The following CELF4 variants were observed in gnomAD, a reference collection of about 807,000 sequenced individuals.
The protein encoded by CELF4 is CUG-BP- and ETR-3-like factor 4.
A neutral mutation model predicts 59.9 loss-of-function variants in CELF4; 18 were observed. The observed-to-expected ratio is 0.30, with a 90% CI of 0.21 to 0.45. CELF4 has a LOEUF of 0.45. CELF4 is among the 20% of genes least tolerant of loss of function. The pLI is 1.00. For synonymous variants in CELF4, 261 were observed against 267.1 expected, an observed-to-expected ratio of 0.98 and a Z score of 0.22; for missense variants, 456 against 689.0, an observed-to-expected ratio of 0.66 and a Z score of 3.79.
At chr18:37,330,391 A>G (rs2154530877) in intron 2 of CELF4, among the ~76,000 whole-genome samples, 1 of 151,924 alleles carries the variant, frequency 6.6e-6, no homozygotes, top group Non-Finnish European at 1.5e-5. Context: ...TCCCAGGGGA[A>G]CCGCAGAAGC....
At chr18:37,416,486 C>A (rs993148857) in intron 2 of CELF4, among the ~76,000 whole-genome samples, 1 of 152,148 alleles carries the variant, frequency 6.6e-6, no homozygotes, top group African/African-American at 2.4e-5. Context: ...CCCAAGATTC[C>A]CCAAAGCATC....
intron 2 of CELF4, among the ~76,000 whole-genome samples, chr18:37,420,288 A>ATC (rs2099569928): frequency 6.6e-6 from 1 of 152,222 alleles, no homozygotes; most frequent in Admixed American, 6.5e-5. Flanking sequence ...ACCGCTCACT[A>ATC]GCCATGGAAC....
intron 2 of CELF4, among the ~76,000 whole-genome samples, chr18:37,401,726 A>C (rs746587777): frequency 1.3e-4 from 20 of 152,182 alleles, no homozygotes; most frequent in Non-Finnish European, 2.2e-4. Context: ...TTCAGCCTTT[A>C]GCTAATAGTT....
At chr18:37,485,216 C>G (rs997642228) in intron 2 of CELF4, among the ~76,000 whole-genome samples, 1 of 151,896 alleles carries the variant, frequency 6.6e-6, no homozygotes, top group African/African-American at 2.4e-5. Flanking sequence ...CGGACTCGAT[C>G]GCGCACGCGG....
In CELF4 at chr18:37,280,953, G is replaced by A. The variant is rs2094060567; in HGVS notation, c.449-5710C>T. Among the ~76,000 whole-genome samples, 5 of 152,336 alleles carry A rather than the reference G, an allele frequency of 3.3e-5. 1 individual carries two copies. The Middle Eastern group carries it at 0.01, about 311-fold the overall frequency. ...ACCCGGGGAAGTGACAGGTGCTAAC[G>A]GAAATACAATGGAATCTGGCTGCCA... On this transcript the variant is annotated intron_variant, in intron 3 of 12. Transcript: ENST00000420428.
intron 3 of CELF4, among the ~76,000 whole-genome samples, chr18:37,318,631 C>A (rs2096956272): frequency 1.2e-4 from 1 of 8,600 alleles, no homozygotes; most frequent in African/African-American, 3.7e-4. Context: ...CCCTACACCT[C>A]CCCCCCCCCC....
chr18:37,330,793 C>T (rs1005467043), intron 2 of CELF4, among the ~76,000 whole-genome samples: 3 of 152,136 alleles, frequency 2.0e-5, no homozygotes, highest in Admixed American at 1.3e-4. Flanking sequence ...GGGTCACCAC[C>T]GGACAGTCTT....
chr18:37,327,435 C>A (rs2097358820), intron 2 of CELF4, among the ~76,000 whole-genome samples: 1 of 152,178 alleles, frequency 6.6e-6, no homozygotes, highest in Admixed American at 6.5e-5. Context: ...TACTAGGACT[C>A]CCCGAGGCTG....
chr18:37,408,499 G>GGA (rs1569568994), intron 2 of CELF4, among the ~76,000 whole-genome samples: 1,041 of 63,920 alleles, frequency 0.016, 49 homozygotes, highest in African/African-American at 0.038. Flanking sequence ...TGCCGGGGGG[G>GGA]GGCGCGGTGC....
chr18:37,565,697 T>TCTCG lies in CELF4; in HGVS notation c.-60_-57dup, dbSNP rs138975334. 1,212,579 of 1,286,014 alleles carry TCTCG rather than the reference T, an allele frequency of 0.94. 577,088 individuals are homozygous for TCTCG. Among genetic ancestry groups the TCTCG allele is most frequent in the Non-Finnish European group, 0.97 (928,322 of 956,252 alleles). 79.7% of individuals were successfully genotyped at this position (1,286,014 alleles called of 1,614,324 possible). On this transcript the variant is annotated 5_prime_UTR_variant, in exon 1 of 13. Coordinates refer to ENST00000420428, the MANE Select transcript of CELF4 (RefSeq NM_020180.4). ...TCGCTCACACTCTCTCGCTCCTCTC[T>TCTCG]CTCGCTCGCTCGCGCTCACACACGC...
At chr18:37,336,121 C>A (rs2154543522) in intron 2 of CELF4, among the ~76,000 whole-genome samples, 2 of 152,338 alleles carry the variant, frequency 1.3e-5, no homozygotes, top group Admixed American at 1.3e-4. Flanking sequence ...TCTCCTCAGT[C>A]TGCTGGCCAC....
chr18:37,262,400 G>T lies in CELF4; in HGVS notation c.1249+2274C>A, dbSNP rs368730778. On this transcript the variant is annotated intron_variant, in intron 10 of 12. Coordinates refer to ENST00000420428, the MANE Select transcript of CELF4 (RefSeq NM_020180.4). Reference sequence around the variant, plus strand: ...AGGGAGCAAGGTGTGTGTGTGGGGTGGGGGAGGGGGGGGCAGGAATTGCAG... The same window carrying T: ...AGGGAGCAAGGTGTGTGTGTGGGGTTGGGGAGGGGGGGGCAGGAATTGCAG... Among the ~76,000 whole-genome samples the T allele has an allele frequency of 5.9e-5, 9 of 152,154 alleles. No individual in the cohort carries two copies. The East Asian group carries it at 9.7e-4, about 16-fold the overall frequency.
At chr18:37,419,703 C>A (rs1054128837) in intron 2 of CELF4, among the ~76,000 whole-genome samples, 1 of 152,192 alleles carries the variant, frequency 6.6e-6, no homozygotes, top group East Asian at 1.9e-4. Flanking sequence ...CCCTCAGGGA[C>A]GCCCTCCGGT....
chr18:37,363,453 C>G (rs2098736140), intron 2 of CELF4, among the ~76,000 whole-genome samples: 1 of 152,180 alleles, frequency 6.6e-6, no homozygotes, highest in African/African-American at 2.4e-5. Context: ...ACAACTCTTA[C>G]TTTAGGCAGA....
intron 2 of CELF4, among the ~76,000 whole-genome samples, chr18:37,434,494 G>A (rs1173595363): frequency 2.0e-5 from 3 of 152,186 alleles, no homozygotes; most frequent in Non-Finnish European, 4.4e-5. Flanking sequence ...ACAGGGGGCT[G>A]TGCCATCATT....
At chr18:37,324,937 A>G (rs959027362) in intron 2 of CELF4, among the ~76,000 whole-genome samples, 2 of 152,318 alleles carry the variant, frequency 1.3e-5, no homozygotes, top group African/African-American at 4.8e-5. Context: ...GACTCCTGAC[A>G]TCTGCCTACT....
intron 2 of CELF4, among the ~76,000 whole-genome samples, chr18:37,457,990 G>A (rs935161356): frequency 6.6e-6 from 1 of 152,216 alleles, no homozygotes; most frequent in Non-Finnish European, 1.5e-5. Context: ...GTCAGGCTGA[G>A]GGTGTTGGCA....
chr18:37,329,135 C>T (rs1479164904), intron 2 of CELF4, among the ~76,000 whole-genome samples: 1 of 152,204 alleles, frequency 6.6e-6, no homozygotes, highest in Non-Finnish European at 1.5e-5. Context: ...GCAGAGTCAT[C>T]AAAATTTCAC....
At chr18:37,352,947 C>T (rs924520347) in intron 2 of CELF4, among the ~76,000 whole-genome samples, 63 of 152,008 alleles carry the variant, frequency 4.1e-4, no homozygotes, top group East Asian at 2.1e-3. Context: ...CTTGGCCGGG[C>T]GCGGTAGCTC....
Sources: gnomAD v4.1 joint callset for allele counts (sites outside exome capture counted in the v4.1 genomes callset) on GRCh38, gnomAD v4.1.1 for gene constraint, MANE v1.5 for transcripts, NCBI Gene and HGNC (gene_info 2026-07-23, HGNC 2026-07-21) for gene names.